Variants in CLNK observed in about 807,000 individuals in gnomAD.
CLNK encodes the protein cytokine-dependent hematopoietic cell linker.
A neutral mutation model predicts 68.6 loss-of-function variants in CLNK; 74 were observed. That is an observed-to-expected ratio of 1.08 (90% CI 0.89 to 1.31). The LOEUF (loss-of-function observed/expected upper bound fraction) is 1.31. Among genes scored for constraint, CLNK ranks in the 50% most tolerant of loss-of-function variants. The pLI, the probability that CLNK is intolerant of heterozygous loss-of-function variation, is 0.00. For synonymous variants in CLNK, 198 were observed against 172.2 expected (o/e 1.15, Z -1.17); for missense variants, 553 against 515.3 (o/e 1.07, Z -0.71).
the CLNK span, among the ~76,000 whole-genome samples, chr4:10,698,183 G>A: frequency 1.3e-5 from 2 of 152,138 alleles, no homozygotes; most frequent in African/African-American, 4.8e-5. Context: ...GGAAGCCTCT[G>A]GTGGTGAGAG....
intron 12 of CLNK, among the ~76,000 whole-genome samples, chr4:10,529,538 C>G (rs1269997155): frequency 6.6e-6 from 1 of 152,220 alleles, no homozygotes; most frequent in African/African-American, 2.4e-5. Context: ...GTTTCAAAGA[C>G]TTTGGCATTC....
chr4:10,593,759 C>T (rs1027600545), intron 3 of CLNK, among the ~76,000 whole-genome samples: 2 of 152,236 alleles, frequency 1.3e-5, no homozygotes, highest in Non-Finnish European at 2.9e-5. Flanking sequence ...GCTGCCTGCA[C>T]TTTGTCCCCC....
intron 2 of CLNK, among the ~76,000 whole-genome samples, chr4:10,602,958 CA>C (rs1304665707): frequency 1.3e-5 from 2 of 152,192 alleles, no homozygotes; most frequent in African/African-American, 4.8e-5. Context: ...AGAGTAAGTA[CA>C]AGAAGCCTAC....
the CLNK span, among the ~76,000 whole-genome samples, chr4:10,700,188 G>C: frequency 1.3e-5 from 2 of 152,080 alleles, no homozygotes; most frequent in Admixed American, 6.6e-5. Flanking sequence ...GCTGACTTTG[G>C]GGGTAAAGAA....
the CLNK span, among the ~76,000 whole-genome samples, chr4:10,734,763 G>A: frequency 3.3e-5 from 5 of 152,158 alleles, no homozygotes; most frequent in African/African-American, 9.7e-5. Flanking sequence ...CAGTGGTCAA[G>A]GAGAGCCAGA....
intron 16 of CLNK, among the ~76,000 whole-genome samples, chr4:10,511,356 G>A (rs557382792): frequency 5.5e-4 from 83 of 151,984 alleles, no homozygotes; most frequent in Non-Finnish European, 8.8e-4. Flanking sequence ...GACTCTTTTC[G>A]GCAATAATAT....
intron 6 of CLNK, among the ~76,000 whole-genome samples, chr4:10,565,393 C>G (rs1720066731): frequency 6.6e-6 from 1 of 152,174 alleles, no homozygotes; most frequent in Admixed American, 6.5e-5. Context: ...TGAATACTTC[C>G]TCTTTCCCCT....
chr4:10,635,539 C>T (rs1053908134), intron 2 of CLNK, among the ~76,000 whole-genome samples: 3 of 150,392 alleles, frequency 2.0e-5, no homozygotes, highest in Non-Finnish European at 2.9e-5. Context: ...ATGTGGAAAG[C>T]GACTGTCTGA....
the CLNK span, among the ~76,000 whole-genome samples, chr4:10,724,006 G>A: frequency 6.6e-6 from 1 of 151,680 alleles, no homozygotes; most frequent in African/African-American, 2.4e-5. Flanking sequence ...TATTTGAGCA[G>A]GAAGTTCTTC....
chr4:10,561,101 A>G (rs138802905), intron 7 of CLNK, among the ~76,000 whole-genome samples: 1,885 of 151,564 alleles, frequency 0.012, 11 homozygotes, highest in Middle Eastern at 0.028. Flanking sequence ...AGATGTTACT[A>G]TGTTACTCAG....
intron 5 of CLNK, among the ~76,000 whole-genome samples, chr4:10,568,400 T>C (rs1219839409): frequency 1.3e-5 from 2 of 152,194 alleles, no homozygotes; most frequent in African/African-American, 2.4e-5. Context: ...CTGGGTTTCA[T>C]TTTGAGATGA....
the CLNK span, among the ~76,000 whole-genome samples, chr4:10,709,845 C>T: frequency 5.9e-5 from 9 of 152,154 alleles, no homozygotes; most frequent in Non-Finnish European, 1.3e-4. Flanking sequence ...TAGCTGACAA[C>T]TGCAGACATG....
At chr4:10,712,693 G>T in the CLNK span, among the ~76,000 whole-genome samples, 1 of 152,190 alleles carries the variant, frequency 6.6e-6, no homozygotes, top group East Asian at 1.9e-4. Flanking sequence ...TCACTTTACT[G>T]CTCACAGAGT....
At chr4:10,535,640 T>C (rs948505454) in intron 11 of CLNK, among the ~76,000 whole-genome samples, 4 of 152,210 alleles carry the variant, frequency 2.6e-5, no homozygotes, top group Non-Finnish European at 5.9e-5. Flanking sequence ...CCCTTTTTAA[T>C]TGTCTTTCAG....
intron 1 of CLNK, among the ~76,000 whole-genome samples, chr4:10,670,403 A>T (rs1577209981): frequency 6.6e-6 from 1 of 152,280 alleles, no homozygotes; most frequent in East Asian, 1.9e-4. Flanking sequence ...TGCATTAAGT[A>T]GCATCGAAAT....
chr4:10,532,662 C>T (rs982343158), intron 11 of CLNK, among the ~76,000 whole-genome samples: 2 of 152,110 alleles, frequency 1.3e-5, no homozygotes, highest in Non-Finnish European at 2.9e-5. Flanking sequence ...TTTGAGGGAA[C>T]ATAAAGAGTT....
chr4:10,699,315 A>ATACACACACACCACATACGTGTG, the CLNK span, among the ~76,000 whole-genome samples: 1 of 79,864 alleles, frequency 1.3e-5, no homozygotes, highest in Admixed American at 1.2e-4. Context: ...ACATACGTGT[A>ATACACACACACCACATACGTGTG]TACACACACA....
At chr4:10,673,359 A>G (rs1484522024) in intron 1 of CLNK, among the ~76,000 whole-genome samples, 1 of 151,938 alleles carries the variant, frequency 6.6e-6, no homozygotes, top group Non-Finnish European at 1.5e-5. Context: ...AGTAACCCCA[A>G]CTCCCCTTCT....
chr4:10,719,751 A>G, the CLNK span, among the ~76,000 whole-genome samples: 9 of 152,194 alleles, frequency 5.9e-5, no homozygotes, highest in South Asian at 1.7e-3. Flanking sequence ...ACTCCATCCG[A>G]TGATGGCAGA....
Sources: gnomAD v4.1 joint callset for allele counts (sites outside exome capture counted in the v4.1 genomes callset) on GRCh38, gnomAD v4.1.1 for gene constraint, MANE v1.5 for transcripts, NCBI Gene and HGNC (gene_info 2026-07-23, HGNC 2026-07-21) for gene names.